The following JAG1 variants were observed in gnomAD, a reference collection of about 807,000 sequenced individuals.
JAG1 encodes the protein protein jagged-1.
Under a neutral mutation model 148.7 loss-of-function variants are expected in JAG1, and 23 were observed. The ratio of observed to expected loss-of-function variants is 0.15; its 90% CI spans 0.11 to 0.22. The LOEUF (loss-of-function observed/expected upper bound fraction) is 0.22, where lower values mean the gene tolerates loss of function less well. Among genes scored for constraint, JAG1 ranks in the 10% least tolerant of loss-of-function variants. The pLI, the probability that JAG1 is intolerant of heterozygous loss-of-function variation, is 1.00. For synonymous variants in JAG1, 572 were observed against 598.3 expected (o/e 0.96, Z 0.64); for missense variants, 1,054 against 1,611.2 (o/e 0.65, Z 5.92).
At chr20:10,660,317 T>C (rs1568801827) in intron 3 of JAG1, among the ~76,000 whole-genome samples, 1 of 151,778 alleles carries the variant, frequency 6.6e-6, no homozygotes, top group Non-Finnish European at 1.5e-5. Context: ...CTGAACCACT[T>C]GCAGGCAGGT....
Position 10,641,573 on chromosome 20 carries a change from C to G in JAG1, c.2803G>C (p.Glu935Gln), listed in dbSNP as rs753161584. 1 of 1,614,086 alleles carries G rather than the reference C, an allele frequency of 6.2e-7. No homozygotes were observed. Among genetic ancestry groups the G allele is most frequent in the Non-Finnish European group, 8.5e-7 (1 of 1,180,048 alleles). Residue 935 changes from glutamate (E) to glutamine (Q), a missense_variant, in exon 23 of 26, where the codon GAG becomes CAG. Glu to Gln is a conservative substitution (Grantham distance 29, BLOSUM62 2). Around this residue, in one of 6 missense-constraint regions of JAG1, gnomAD observed 342 missense variants for 514.6 expected, o/e 0.66. Coordinates refer to ENST00000254958, the MANE Select transcript of JAG1 (RefSeq NM_000214.3). ...CFVHPCTGVG[E>Q]CRSSSLQPVK... ...GGCTGGAGACTGGAAGACCGACACT[C>G]GCCCACACCAGTGCAGGGGTGGACG...
Position 10,638,813 on chromosome 20 carries a change from A to C in JAG1, c.*685T>G, listed in dbSNP as rs2067249769. ...AAAACCTTCAATTCTAAACACATAC[A>C]TATAAATAAAAAGGAATGATGTTTT... On this transcript the variant is annotated 3_prime_UTR_variant, in exon 26 of 26. Coordinates refer to ENST00000254958, the MANE Select transcript of JAG1 (RefSeq NM_000214.3). The C allele has an allele frequency of 1.3e-5, 2 of 152,850 alleles. No homozygotes were observed. The highest frequency in any genetic ancestry group is 1.3e-4 in the Admixed American group (2 of 15,306). The allele number at this position is 152,850 out of a possible 1,614,324, so 9.5% of individuals were successfully genotyped here. A position where few individuals can be genotyped will look rare whatever the true frequency, so the allele number is the denominator to read the frequency against.
chr20:10,641,057 G>A, intron 24 of JAG1, 56 bp downstream of exon 24: 2 of 1,613,276 alleles, frequency 1.2e-6, no homozygotes, highest in African/African-American at 1.3e-5. Context: ...TCAGACACTG[G>A]TTAACCGAAC....
intron 21 of JAG1, among the ~76,000 whole-genome samples, chr20:10,642,155 A>C (rs1328599866): frequency 6.6e-6 from 1 of 152,086 alleles, no homozygotes; most frequent in Admixed American, 6.5e-5. Context: ...CTGGCGATGA[A>C]AGGAATATGC....
intron 4 of JAG1, among the ~76,000 whole-genome samples, 200 bp downstream of exon 4, chr20:10,658,268 G>A (rs2122623134): frequency 6.6e-6 from 1 of 152,282 alleles, no homozygotes; most frequent in Non-Finnish European, 1.5e-5. Context: ...GCACCTGGGG[G>A]ATGGGGATGC....
chr20:10,646,193 T>C, intron 14 of JAG1, 109 bp from the exon 15 acceptor site: 1 of 759,530 alleles, frequency 1.3e-6, no homozygotes, highest in Non-Finnish European at 2.3e-6. Flanking sequence ...ACCTGGCACC[T>C]CCACCTGCTA....
rs377388500 is a variant in JAG1, at chr20:10,644,416, C to T, written c.2345-32G>A. The T allele has an allele frequency of 5.6e-6, 9 of 1,593,398 alleles. No individual in the cohort carries two copies. In the African/African-American group the frequency reaches 9.4e-5, roughly 17 times the overall value. On this transcript the variant is annotated intron_variant, in intron 18 of 25. Transcript: ENST00000254958. Reference sequence around the variant, plus strand: ...AGAAAAGACAACTTAATAGTGAGGACTTCAACAGGGAAAGCGGTCTTAGCC... The same window carrying T: ...AGAAAAGACAACTTAATAGTGAGGATTTCAACAGGGAAAGCGGTCTTAGCC...
chr20:10,646,419 C>G, intron 14 of JAG1: 1 of 385,060 alleles, frequency 2.6e-6, no homozygotes, highest in South Asian at 2.2e-5. Context: ...GCAGAGTGAT[C>G]TGGTAAATTG....
chr20:10,672,193 G>C (rs2067501103), intron 2 of JAG1, among the ~76,000 whole-genome samples: 1 of 152,204 alleles, frequency 6.6e-6, no homozygotes, highest in African/African-American at 2.4e-5. Flanking sequence ...ATCTCCCGGG[G>C]AGCAGCGGGA....
At position 10,645,426 on chromosome 20, in the gene JAG1, C is replaced by T. The variant is rs151291264; in HGVS notation, c.2043G>A (p.Thr681=). ...AGAAGTCATTGACCAGGTCGCGACACGTGCCCCCATTGTGGCAGGGGTTCT... is the reference window on the plus strand; with the variant it reads ...AGAAGTCATTGACCAGGTCGCGACATGTGCCCCCATTGTGGCAGGGGTTCT... The part of the protein sequence containing the change: ...CSQNPCHNGG[T]CRDLVNDFYC... The change falls in exon 16 of 26, where the codon ACG becomes ACA. Residue 681 remains threonine (T), a synonymous_variant. Coordinates refer to ENST00000254958, the MANE Select transcript of JAG1 (RefSeq NM_000214.3). The surrounding 1 kb of genome is among the most constrained non-coding windows in gnomAD (Gnocchi z 6.1). The T allele has an allele frequency of 2.6e-4, 418 of 1,613,364 alleles. No individual in the cohort carries two copies. Among genetic ancestry groups the T allele is most frequent in the African/African-American group, 7.2e-4 (54 of 74,834 alleles).
chr20:10,664,837 A>G (rs1446006722), intron 2 of JAG1, among the ~76,000 whole-genome samples: 3 of 152,172 alleles, frequency 2.0e-5, no homozygotes, highest in African/African-American at 7.2e-5. Flanking sequence ...AACTGAAGGC[A>G]CCTTTTATCT....
chr20:10,642,776 G>A (rs2067282051), intron 20 of JAG1, among the ~76,000 whole-genome samples, 175 bp from the exon 21 acceptor site: 1 of 152,152 alleles, frequency 6.6e-6, no homozygotes, highest in African/African-American at 2.4e-5. Flanking sequence ...TCCAATCACT[G>A]GCTCCCAAAG....
intron 3 of JAG1, among the ~76,000 whole-genome samples, chr20:10,662,699 G>C (rs900836999): frequency 6.6e-6 from 1 of 152,092 alleles, no homozygotes; most frequent in Admixed American, 6.5e-5. Flanking sequence ...GACCCTGACT[G>C]GCATCAGCCA....
Position 10,648,681 on chromosome 20 carries a change from A to G in JAG1, c.1437T>C (p.Tyr479=), listed in dbSNP as rs2067325167. 1.2e-6 allele frequency: 2 copies of G among 1,614,254 alleles called. No homozygotes were observed. Among genetic ancestry groups the G allele is most frequent in the East Asian group, 4.5e-5 (2 of 44,890 alleles). The change falls in exon 12 of 26, where the codon TAT becomes TAC. Residue 479 remains tyrosine (Y), a synonymous_variant. Coordinates refer to ENST00000254958, the MANE Select transcript of JAG1 (RefSeq NM_000214.3). ...NGYRCICPPG[Y]AGDHCERDID... is the part of the protein sequence containing the mutation. The stretch of plus-strand genomic sequence containing the variant: ...TGTCTCTCTCACAGTGATCGCCTGC[A>G]TAGCCAGGTGGACAGATACAGCGAT...
chr20:10,659,559 C>A (rs1207856295), intron 3 of JAG1, among the ~76,000 whole-genome samples: 1 of 105,154 alleles, frequency 9.5e-6, no homozygotes, highest in Admixed American at 1.1e-4. Context: ...GATTAAGTTA[C>A]TTTTTTTTTT....
chr20:10,659,748 G>GT lies in JAG1; in HGVS notation c.440-1027dup, dbSNP rs1441100150. 4.0e-5 allele frequency among the ~76,000 whole-genome samples: 6 copies of GT among 150,828 alleles called. No homozygotes were observed. In the East Asian group the frequency reaches 5.9e-4, roughly 15 times the overall value. ...AGGGGAGGGTTTCTTTTTTCTTTTT[G>GT]TTTTTTTGAGCCAAGTCATGCTCCT... On this transcript the variant is annotated intron_variant, in intron 3 of 25. Transcript: ENST00000254958.
chr20:10,667,572 A>G (rs1389217081), intron 2 of JAG1, among the ~76,000 whole-genome samples: 4 of 152,226 alleles, frequency 2.6e-5, no homozygotes, highest in Admixed American at 6.5e-5. Flanking sequence ...GTTTTGGGAA[A>G]GTGAGATAAG....
Position 10,672,755 on chromosome 20 carries a change from G to T in JAG1, c.333C>A (p.Ala111=), listed in dbSNP as rs1325069632. 6.2e-7 allele frequency: 1 copy of T among 1,613,092 alleles called. No homozygotes were observed. The highest frequency in any genetic ancestry group is 1.7e-5 in the Admixed American group (1 of 60,036). Residue 111 remains alanine (A), a synonymous_variant, in exon 2 of 26, where the codon GCC becomes GCA. Coordinates refer to ENST00000254958, the MANE Select transcript of JAG1 (RefSeq NM_000214.3). ...VIGGNTFNLK[A]SRGNDRNRIV... ...TGCGGTTGCGGTCGTTGCCGCGGCT[G>T]GCCTTGAGGTTGAAGGTGTTGCCCC...
rs542831744 is a variant in JAG1 at position 10,639,504 on chromosome 20, G to T, written c.3651C>A (p.Ile1217=). ...CGGCAGTGCCCGCGGTCTGCTATACGATGTACTCCATTCGGTTTAAGCTCT... is the reference window on the plus strand; with the variant it reads ...CGGCAGTGCCCGCGGTCTGCTATACTATGTACTCCATTCGGTTTAAGCTCT... ...SAQSLNRMEY[I]V The change falls in exon 26 of 26, where the codon ATC becomes ATA. Residue 1217 remains isoleucine (I), a synonymous_variant. Coordinates refer to ENST00000254958, the MANE Select transcript of JAG1 (RefSeq NM_000214.3). 26 of 1,613,986 alleles carry T rather than the reference G, an allele frequency of 1.6e-5. No homozygotes were observed. The South Asian group carries it at 2.1e-4, about 13-fold the overall frequency.
Sources: allele counts gnomAD v4.1 joint callset (sites outside exome capture counted in the v4.1 genomes callset), GRCh38; gene constraint gnomAD v4.1.1; regional missense constraint gnomAD v4.1.1; non-coding constraint Gnocchi (gnomAD v3.1); transcripts MANE v1.5; gene names NCBI Gene and HGNC (gene_info 2026-07-23, HGNC 2026-07-21).